The following ERCC6L2 variants were observed in gnomAD, a reference collection of about 807,000 sequenced individuals.
The protein encoded by ERCC6L2 is ERCC excision repair 6 like 2.
ERCC6L2 carries 77 observed loss-of-function variants against 132.0 expected under a neutral mutation model. That is an observed-to-expected ratio of 0.58 (90% confidence interval 0.49 to 0.71). The LOEUF (loss-of-function observed/expected upper bound fraction) is 0.71, where lower values mean the gene tolerates loss of function less well. Ranked by LOEUF, ERCC6L2 falls within the 30% of genes least tolerant of loss-of-function variation. The pLI is 0.00. For missense variants in ERCC6L2, 1,542 were observed against 1,837.6 expected (o/e 0.84, Z 2.94); for synonymous variants, 583 against 632.4 (o/e 0.92, Z 1.17).
rs1187897016 is a variant in ERCC6L2, at chr9:95,907,167, T to C, written c.684T>C (p.His228=). The change falls in exon 4 of 19, where the codon CAT becomes CAC. Residue 228 remains histidine (H), a synonymous_variant. Coordinates refer to ENST00000653738, the MANE Select transcript of ERCC6L2 (RefSeq NM_020207.7). ...GATATTTCAGAGTCACTGTTTTACA[T>C]GGAAACAGAAAAGATAATGAATTAA... is the stretch of plus-strand genomic sequence containing the variant. ...TWGYFRVTVL[H]GNRKDNELIR... is the part of the protein sequence containing the mutation. 2.5e-6 allele frequency: 4 copies of C among 1,613,160 alleles called. No homozygotes were observed. The highest frequency in any genetic ancestry group is 2.2e-5 in the East Asian group (1 of 44,820).
chr9:95,915,643 A>G (rs767643718), intron 4 of ERCC6L2, 25 bp from the exon 5 acceptor site: 3 of 1,586,868 alleles, frequency 1.9e-6, no homozygotes, highest in Non-Finnish European at 2.6e-6. Context: ...TCTCAACCTC[A>G]CCCTTCTTTT....
chr9:96,028,825 G>A (rs1834415572), intron 19 of ERCC6L2, among the ~76,000 whole-genome samples: 1 of 152,182 alleles, frequency 6.6e-6, no homozygotes, highest in African/African-American at 2.4e-5. Context: ...GAATGGATAA[G>A]TATACGTCAT....
chr9:95,896,555 A>G (rs1205401064), intron 2 of ERCC6L2, among the ~76,000 whole-genome samples: 1 of 151,688 alleles, frequency 6.6e-6, no homozygotes, highest in African/African-American at 2.4e-5. Context: ...CCAGGTAGCT[A>G]GTGATACAGG....
At chr9:95,905,362 T>C (rs1828980910) in intron 3 of ERCC6L2, among the ~76,000 whole-genome samples, 1 of 152,190 alleles carries the variant, frequency 6.6e-6, no homozygotes, top group Admixed American at 6.6e-5. Flanking sequence ...GTAAGAAATA[T>C]CAAGAATTAT....
Position 95,907,087 on chromosome 9 carries a change from A to G in ERCC6L2, c.604A>G (p.Ile202Val), listed in dbSNP as rs748532433. 3.8e-6 allele frequency: 6 copies of G among 1,598,002 alleles called. No homozygotes were observed. The highest frequency in any genetic ancestry group is 5.1e-6 in the Non-Finnish European group (6 of 1,176,230). Residue 202 changes from isoleucine (I) to valine (V), a missense_variant, in exon 4 of 19, where the codon ATA (isoleucine) becomes GTA (valine). By Grantham distance (29) the Ile-to-Val change is conservative. This residue lies in a region of ERCC6L2 where 945 missense variants were observed against 1,105.2 expected (regional missense o/e 0.86). Transcript: ENST00000653738. ...LSSTAKKMFL[I>V]VAPLSVLYNW... ...TTTATTCTTGTTTTAGATGTTCTTAATAGTTGCTCCTCTTTCTGTCCTCTA... is the reference window on the plus strand; with the variant it reads ...TTTATTCTTGTTTTAGATGTTCTTAGTAGTTGCTCCTCTTTCTGTCCTCTA...
intron 2 of ERCC6L2, among the ~76,000 whole-genome samples, chr9:95,883,842 G>A (rs1173174227): frequency 1.3e-5 from 2 of 152,202 alleles, no homozygotes; most frequent in African/African-American, 4.8e-5. Flanking sequence ...TGGCAACAGA[G>A]TGAGACTCTG....
intron 17 of ERCC6L2, among the ~76,000 whole-genome samples, chr9:96,003,743 G>A (rs1833768932): frequency 6.6e-6 from 1 of 152,184 alleles, no homozygotes; most frequent in Admixed American, 6.5e-5. Context: ...CTTGTTTGGG[G>A]CACCTAGACA....
chr9:95,904,397 A>C (rs1564208651), intron 3 of ERCC6L2, among the ~76,000 whole-genome samples: 1 of 152,112 alleles, frequency 6.6e-6, no homozygotes, highest in East Asian at 1.9e-4. Flanking sequence ...GTACTATATG[A>C]AGTACTGAAG....
At chr9:96,036,759 TATTA>T (rs780822118) in intron 19 of ERCC6L2, among the ~76,000 whole-genome samples, 1 of 142,940 alleles carries the variant, frequency 7.0e-6, no homozygotes, top group Admixed American at 7.0e-5. Context: ...TTATTATTAT[TATTA>T]TTTTTATTTA....
intron 19 of ERCC6L2, among the ~76,000 whole-genome samples, chr9:96,035,211 A>G (rs1834505601): frequency 6.6e-6 from 1 of 152,192 alleles, no homozygotes; most frequent in Non-Finnish European, 1.5e-5. Flanking sequence ...CAGGAGGCAG[A>G]CAGATTCCTG....
intron 19 of ERCC6L2, among the ~76,000 whole-genome samples, chr9:96,029,424 C>T (rs1321694819): frequency 2.6e-5 from 4 of 152,086 alleles, no homozygotes; most frequent in African/African-American, 9.7e-5. Context: ...TCCAGCTGCC[C>T]TTACCACACT....
intron 12 of ERCC6L2, among the ~76,000 whole-genome samples, chr9:95,945,638 A>C (rs568409352): frequency 6.6e-6 from 1 of 152,356 alleles, no homozygotes; most frequent in South Asian, 2.1e-4. Flanking sequence ...TTGGGGAACT[A>C]ATAAATGTCC....
At chr9:95,982,117 C>T (rs890647169) in intron 17 of ERCC6L2, among the ~76,000 whole-genome samples, 2 of 152,124 alleles carry the variant, frequency 1.3e-5, no homozygotes, top group East Asian at 3.8e-4. Context: ...TAACGGGTCG[C>T]TTTGTAGTAA....
chr9:95,982,553 AG>A (rs1358371963), intron 17 of ERCC6L2, among the ~76,000 whole-genome samples: 2 of 152,134 alleles, frequency 1.3e-5, no homozygotes, highest in African/African-American at 4.8e-5. Flanking sequence ...TAGTCCAGTA[AG>A]CAAGGTTTAT....
intron 17 of ERCC6L2, among the ~76,000 whole-genome samples, chr9:95,982,225 G>A (rs1832923149): frequency 6.6e-6 from 1 of 152,094 alleles, no homozygotes; most frequent in Admixed American, 6.6e-5. Flanking sequence ...GGTAGCGTGG[G>A]GGAGTGTCTT....
chr9:95,895,764 G>C (rs1291807126), intron 2 of ERCC6L2, among the ~76,000 whole-genome samples: 1 of 128,272 alleles, frequency 7.8e-6, no homozygotes. Context: ...GTCTTGCTCT[G>C]TTGCCCAGGC....
intron 2 of ERCC6L2, among the ~76,000 whole-genome samples, chr9:95,892,492 C>T (rs985729218): frequency 4.7e-5 from 7 of 148,118 alleles, no homozygotes; most frequent in Non-Finnish European, 1.0e-4. Context: ...GTGGTGATCT[C>T]AGCTCACTGC....
At chr9:95,979,530 C>T (rs572477237) in intron 17 of ERCC6L2, among the ~76,000 whole-genome samples, 12 of 152,200 alleles carry the variant, frequency 7.9e-5, no homozygotes, top group East Asian at 7.7e-4. Context: ...GACCGCAGAA[C>T]GATATAGTGA....
intron 13 of ERCC6L2, among the ~76,000 whole-genome samples, chr9:95,962,500 ATTAC>A (rs1831954302): frequency 1.3e-5 from 2 of 152,324 alleles, no homozygotes; most frequent in Admixed American, 6.5e-5. Context: ...TGATACCTAT[ATTAC>A]TTTGTGACAG....
Sources: gnomAD v4.1 joint callset for allele counts (sites outside exome capture counted in the v4.1 genomes callset) on GRCh38, gnomAD v4.1.1 for gene constraint, gnomAD v4.1.1 regional missense constraint, MANE v1.5 for transcripts, NCBI Gene and HGNC (gene_info 2026-07-23, HGNC 2026-07-21) for gene names.